TTLL11: variants seen among roughly 807,000 people sequenced by gnomAD.
TTLL11 encodes the protein tubulin polyglutamylase TTLL11.
TTLL11 carries 42 observed loss-of-function variants against 51.7 expected under a neutral mutation model. That is an observed-to-expected ratio of 0.81 (90% CI 0.64 to 1.05). TTLL11 has a LOEUF of 1.05. TTLL11 is among the 50% of genes least tolerant of loss of function. TTLL11 has a pLI of 0.00. For synonymous variants in TTLL11, 381 were observed against 383.5 expected (o/e 0.99, Z 0.08); for missense variants, 799 against 940.4 (o/e 0.85, Z 1.97).
chr9:121,880,108 C>T (rs1434134084), intron 6 of TTLL11, among the ~76,000 whole-genome samples: 2 of 152,306 alleles, frequency 1.3e-5, no homozygotes, highest in East Asian at 1.9e-4. Context: ...GAGGAGAATG[C>T]CTTTTGCCTG....
intron 3 of TTLL11, among the ~76,000 whole-genome samples, chr9:122,016,066 A>G (rs1275321935): frequency 6.6e-6 from 1 of 152,178 alleles, no homozygotes; most frequent in Non-Finnish European, 1.5e-5. Flanking sequence ...GTTGTTGAGA[A>G]CTTGCTCCAG....
At chr9:121,832,335 C>G (rs747251044) in intron 8 of TTLL11, among the ~76,000 whole-genome samples, 1 of 152,130 alleles carries the variant, frequency 6.6e-6, no homozygotes, top group South Asian at 2.1e-4. Flanking sequence ...CCTGCCCCTT[C>G]GCCAGCACTC....
chr9:122,044,328 T>C (rs983323888), intron 1 of TTLL11, among the ~76,000 whole-genome samples: 4 of 152,106 alleles, frequency 2.6e-5, no homozygotes, highest in African/African-American at 9.7e-5. Context: ...TACGTGTGCA[T>C]GTGTCTTTAT....
chr9:122,032,641 C>A (rs1157034158), intron 2 of TTLL11, among the ~76,000 whole-genome samples: 2 of 147,838 alleles, frequency 1.4e-5, no homozygotes, highest in Non-Finnish European at 3.0e-5. Flanking sequence ...GAGCAGGACT[C>A]CGTCTCAAAA....
At chr9:121,859,545 TCTGTGAG>T (rs1837940678) in intron 8 of TTLL11, among the ~76,000 whole-genome samples, 1 of 152,102 alleles carries the variant, frequency 6.6e-6, no homozygotes, top group African/African-American at 2.4e-5. Context: ...AGAAACACCC[TCTGTGAG>T]AAAAAAGATA....
intron 6 of TTLL11, among the ~76,000 whole-genome samples, chr9:121,887,574 T>C (rs1839057961): frequency 1.3e-5 from 2 of 152,198 alleles, no homozygotes; most frequent in African/African-American, 4.8e-5. Flanking sequence ...TTCAACTCAA[T>C]TCTGGCCTGA....
At chr9:122,068,226 G>T (rs749154239) in intron 1 of TTLL11, among the ~76,000 whole-genome samples, 1 of 152,058 alleles carries the variant, frequency 6.6e-6, no homozygotes, top group Admixed American at 6.5e-5. Flanking sequence ...GAACAGAATC[G>T]AGTGGATTAT....
chr9:122,057,396 A>G (rs1207090934), intron 1 of TTLL11, among the ~76,000 whole-genome samples: 1 of 143,982 alleles, frequency 6.9e-6, no homozygotes, highest in African/African-American at 2.6e-5. Context: ...AATTCAGCTC[A>G]CTGCAACCTC....
intron 6 of TTLL11, among the ~76,000 whole-genome samples, chr9:121,959,746 G>A (rs547305540): frequency 2.0e-5 from 3 of 151,988 alleles, no homozygotes; most frequent in South Asian, 2.1e-4. Flanking sequence ...AAACCTCATC[G>A]TGTCAGCCTG....
At chr9:121,949,626 G>C (rs1035622964) in intron 6 of TTLL11, among the ~76,000 whole-genome samples, 3 of 152,094 alleles carry the variant, frequency 2.0e-5, no homozygotes, top group Non-Finnish European at 2.9e-5. Context: ...CTAGGTGTCT[G>C]ACACCAAAGC....
chr9:121,891,948 CATATATATGAGAT>C (rs535578091), intron 6 of TTLL11, among the ~76,000 whole-genome samples: 1 of 146,598 alleles, frequency 6.8e-6, no homozygotes, highest in East Asian at 2.0e-4. Flanking sequence ...TATATATACA[CATATATATGAGAT>C]ATATATATCT....
intron 1 of TTLL11, among the ~76,000 whole-genome samples, chr9:122,075,830 GCTCT>G (rs763947189): frequency 6.6e-6 from 1 of 152,164 alleles, no homozygotes; most frequent in Non-Finnish European, 1.5e-5. Flanking sequence ...CAAACAGCTG[GCTCT>G]CTATTTCTGG....
intron 6 of TTLL11, among the ~76,000 whole-genome samples, chr9:121,912,381 C>T (rs1840160853): frequency 6.6e-6 from 1 of 151,702 alleles, no homozygotes; most frequent in African/African-American, 2.4e-5. Context: ...CTTACCTTCC[C>T]CCCCGCCCCC....
intron 1 of TTLL11, among the ~76,000 whole-genome samples, chr9:122,078,802 T>C (rs1022088439): frequency 1.3e-5 from 2 of 152,056 alleles, no homozygotes; most frequent in Admixed American, 1.3e-4. Context: ...AAGCTCATGC[T>C]TACACCCACC....
chr9:121,938,705 T>G (rs1390750110), intron 6 of TTLL11, among the ~76,000 whole-genome samples: 1 of 152,182 alleles, frequency 6.6e-6, no homozygotes, highest in Non-Finnish European at 1.5e-5. Flanking sequence ...GAAAAGGCCA[T>G]AAACCTCATT....
chr9:122,089,102 G>A (rs766663777), intron 1 of TTLL11, among the ~76,000 whole-genome samples: 3 of 151,872 alleles, frequency 2.0e-5, no homozygotes, highest in South Asian at 2.1e-4. Context: ...TGCTGGCTCA[G>A]TCCTACCCTG....
intron 8 of TTLL11, among the ~76,000 whole-genome samples, chr9:121,841,593 T>C (rs960722787): frequency 6.6e-6 from 1 of 152,136 alleles, no homozygotes; most frequent in African/African-American, 2.4e-5. Context: ...TAGAGGCTGC[T>C]TGGGGCCTCC....
At chr9:122,023,019 T>A (rs1844223220) in intron 3 of TTLL11, among the ~76,000 whole-genome samples, 1 of 151,826 alleles carries the variant, frequency 6.6e-6, no homozygotes, top group South Asian at 2.1e-4. Context: ...CTATAGCTAT[T>A]ATGCCAACAA....
rs903918827 is a variant in TTLL11 at position 121,995,861 on chromosome 9, C to T, written c.694-6091G>A. On this transcript the variant is annotated intron_variant, in intron 3 of 8. Transcript: ENST00000321582. This position sits in a 1 kb window ranked among gnomAD's most constrained non-coding sequence, Gnocchi z 4.4. ...AGACTCAGACTCTAAACTCAGATGG[C>T]GCATACCTCGAACTGGAGCACAGGT... Among the ~76,000 whole-genome samples the T allele has an allele frequency of 6.6e-6, 1 of 152,180 alleles. No individual in the cohort carries two copies. Among genetic ancestry groups the T allele is most frequent in the Non-Finnish European group, 1.5e-5 (1 of 68,034 alleles).
Sources: allele counts gnomAD v4.1 joint callset (sites outside exome capture counted in the v4.1 genomes callset), GRCh38; gene constraint gnomAD v4.1.1; non-coding constraint Gnocchi (gnomAD v3.1); transcripts MANE v1.5; gene names NCBI Gene and HGNC (gene_info 2026-07-23, HGNC 2026-07-21).